The following SCHIP1 variants were observed in gnomAD, a reference collection of about 807,000 sequenced individuals.
SCHIP1 encodes schwannomin interacting protein 1.
Under a neutral mutation model 29.7 loss-of-function variants are expected in SCHIP1, and 8 were observed. That is an observed-to-expected ratio of 0.27 (90% CI 0.16 to 0.49). The LOEUF (loss-of-function observed/expected upper bound fraction) is 0.49. Ranked by LOEUF, SCHIP1 falls within the 20% of genes least tolerant of loss-of-function variation. SCHIP1 has a pLI of 0.99. For missense variants in SCHIP1, 193 were observed against 294.6 expected, an observed-to-expected ratio of 0.66 and a Z score of 2.52; for synonymous variants, 76 against 94.9, an observed-to-expected ratio of 0.80 and a Z score of 1.16.
the SCHIP1 span, among the ~76,000 whole-genome samples, chr3:159,556,140 T>C: frequency 6.6e-5 from 10 of 152,042 alleles, no homozygotes; most frequent in Non-Finnish European, 1.5e-4. Context: ...AAGAAGACAT[T>C]TATGCAGCCA....
At chr3:159,311,548 T>A in the SCHIP1 span, among the ~76,000 whole-genome samples, 1 of 152,138 alleles carries the variant, frequency 6.6e-6, no homozygotes, top group Admixed American at 6.6e-5. Context: ...AATTTAATAA[T>A]CAAATGCAAC....
At chr3:159,736,221 C>T in the SCHIP1 span, among the ~76,000 whole-genome samples, 1 of 152,178 alleles carries the variant, frequency 6.6e-6, no homozygotes, top group Non-Finnish European at 1.5e-5. Context: ...GAAGTCGATG[C>T]TGAGGCAACC....
At chr3:159,597,806 C>T in the SCHIP1 span, among the ~76,000 whole-genome samples, 1 of 152,124 alleles carries the variant, frequency 6.6e-6, no homozygotes, top group Non-Finnish European at 1.5e-5. Flanking sequence ...AATGAGATTG[C>T]TGGATTGAAT....
At chr3:159,521,424 T>C in the SCHIP1 span, among the ~76,000 whole-genome samples, 1 of 152,148 alleles carries the variant, frequency 6.6e-6, no homozygotes, top group Non-Finnish European at 1.5e-5. Context: ...GAAGAAAAAA[T>C]CTGGATTTAT....
the SCHIP1 span, among the ~76,000 whole-genome samples, chr3:159,389,447 G>A: frequency 2.6e-5 from 4 of 152,110 alleles, no homozygotes; most frequent in Non-Finnish European, 4.4e-5. Flanking sequence ...GGGGGAATAA[G>A]CACAGAATTT....
At chr3:159,746,563 A>G in the SCHIP1 span, among the ~76,000 whole-genome samples, 12 of 152,130 alleles carry the variant, frequency 7.9e-5, no homozygotes, top group African/African-American at 2.9e-4. Context: ...TTTTTTTTCA[A>G]CATCAGTCAA....
chr3:159,868,155 G>A (rs951197851), intron 2 of SCHIP1, among the ~76,000 whole-genome samples: 1 of 150,498 alleles, frequency 6.6e-6, no homozygotes, highest in African/African-American at 2.4e-5. Context: ...ATATGTATAT[G>A]TACATAGGTA....
At chr3:159,653,461 A>G in the SCHIP1 span, among the ~76,000 whole-genome samples, 1 of 152,114 alleles carries the variant, frequency 6.6e-6, no homozygotes, top group Non-Finnish European at 1.5e-5. Flanking sequence ...GCTGGAAGCC[A>G]TCATTCTCAG....
At chr3:159,274,061 T>G in the SCHIP1 span, 1 of 983,064 alleles carries the variant, frequency 1.0e-6, no homozygotes, top group Non-Finnish European at 1.2e-6. Flanking sequence ...AAAAAAATAC[T>G]TTCTCATTGC....
chr3:159,759,164 T>A, the SCHIP1 span, among the ~76,000 whole-genome samples: 1 of 152,228 alleles, frequency 6.6e-6, no homozygotes, highest in Non-Finnish European at 1.5e-5. Flanking sequence ...TTAAAGGACA[T>A]ATTTTCATTA....
the SCHIP1 span, among the ~76,000 whole-genome samples, chr3:159,349,524 G>A: frequency 6.6e-6 from 1 of 152,132 alleles, no homozygotes; most frequent in South Asian, 2.1e-4. Context: ...GGGAGAAAAT[G>A]TATGTCAAAA....
chr3:159,738,536 A>G, the SCHIP1 span, among the ~76,000 whole-genome samples: 1 of 152,218 alleles, frequency 6.6e-6, no homozygotes, highest in South Asian at 2.1e-4. Context: ...CAATGAATTA[A>G]ATAATGTTTT....
the SCHIP1 span, among the ~76,000 whole-genome samples, chr3:159,297,844 A>T: frequency 6.6e-6 from 1 of 152,160 alleles, no homozygotes; most frequent in African/African-American, 2.4e-5. Flanking sequence ...TGCTCAAATG[A>T]CATCTGTCAG....
chr3:159,289,836 T>A, the SCHIP1 span, among the ~76,000 whole-genome samples: 1 of 152,224 alleles, frequency 6.6e-6, no homozygotes, highest in East Asian at 1.9e-4. Context: ...CATATTTCAA[T>A]GTGGTGGCAC....
At chr3:159,833,396 G>A in the SCHIP1 span, among the ~76,000 whole-genome samples, 5 of 152,102 alleles carry the variant, frequency 3.3e-5, no homozygotes, top group Admixed American at 6.5e-5. Flanking sequence ...TCATACTGCC[G>A]TCTCTGGTTC....
the SCHIP1 span, among the ~76,000 whole-genome samples, chr3:159,597,267 T>A: frequency 0.016 from 2,376 of 152,286 alleles, 65 homozygotes; most frequent in African/African-American, 0.053. Context: ...AATTTTGTAA[T>A]GTATATATAA....
chr3:159,282,368 T>C, the SCHIP1 span, among the ~76,000 whole-genome samples: 1 of 151,942 alleles, frequency 6.6e-6, no homozygotes, highest in Non-Finnish European at 1.5e-5. Flanking sequence ...TGTCTATTGT[T>C]TCACTGAGAT....
At chr3:159,303,417 G>C in the SCHIP1 span, among the ~76,000 whole-genome samples, 2 of 148,916 alleles carry the variant, frequency 1.3e-5, no homozygotes, top group Middle Eastern at 3.4e-3. Context: ...TAATAGGGGG[G>C]TACTGGTACA....
At chr3:159,339,872 A>C in the SCHIP1 span, among the ~76,000 whole-genome samples, 1 of 152,062 alleles carries the variant, frequency 6.6e-6, no homozygotes, top group East Asian at 1.9e-4. Flanking sequence ...GCTCTCATCC[A>C]CTCAAAATTT....
Sources: allele counts gnomAD v4.1 joint callset (sites outside exome capture counted in the v4.1 genomes callset), GRCh38; gene constraint gnomAD v4.1.1; transcripts MANE v1.5; gene names NCBI Gene and HGNC (gene_info 2026-07-23, HGNC 2026-07-21).